ZNF615: variants seen among roughly 807,000 people sequenced by gnomAD.
ZNF615 encodes zinc finger protein 615.
In ZNF615, 15 loss-of-function variants were observed where a neutral mutation model predicts 15.3. The observed-to-expected ratio is 0.98, with a 90% CI of 0.66 to 1.51. The LOEUF (loss-of-function observed/expected upper bound fraction) is 1.51. ZNF615 is among the 40% of genes most tolerant of loss of function. The probability of loss-of-function intolerance (pLI) is 0.00; values close to 1 mark genes in which losing one functional copy is unlikely to be tolerated. For missense variants in ZNF615, 848 were observed against 895.9 expected, an observed-to-expected ratio of 0.95 and a Z score of 0.68; for synonymous variants, 268 against 294.6, an observed-to-expected ratio of 0.91 and a Z score of 0.92.
chr19:51,998,817 G>C (rs1202307119), intron 6 of ZNF615, among the ~76,000 whole-genome samples: 3 of 152,100 alleles, frequency 2.0e-5, no homozygotes, highest in Non-Finnish European at 4.4e-5. Flanking sequence ...ACCACACCCG[G>C]CTAATTTTTG....
At position 51,993,927 on chromosome 19, in the gene ZNF615, C is replaced by T; in HGVS notation, c.1182G>A (p.Leu394=). The change falls in exon 7 of 7, where the codon TTG becomes TTA. Residue 394 remains leucine, a synonymous_variant. Transcript: ENST00000598071. The stretch of plus-strand genomic sequence containing the variant: ...GCTGATGTGTGATAAGACTGTTCTT[C>T]AAGGTGAAGCCTTTCCCACATTTAT... ...ICNKCGKGFT[L]KNSLITHQQT... 1 of 1,614,138 alleles carries T rather than the reference C, an allele frequency of 6.2e-7. No homozygotes were observed. The highest frequency in any genetic ancestry group is 8.5e-7 in the Non-Finnish European group (1 of 1,180,020).
intron 2 of ZNF615, 66 bp from the exon 3 acceptor site, chr19:52,003,966 T>C (rs990688977): frequency 1.7e-5 from 20 of 1,169,514 alleles, no homozygotes; most frequent in Non-Finnish European, 2.0e-5. Context: ...TGTTCCTATA[T>C]GCTCACCTTA....
chr19:51,993,804 T>G lies in ZNF615; in HGVS notation c.1305A>C (p.Gly435=). 1 of 1,614,138 alleles carries G rather than the reference T, an allele frequency of 6.2e-7. No homozygotes were observed. The highest frequency in any genetic ancestry group is 1.1e-5 in the South Asian group (1 of 91,074). ...CLMVHQRTHT[G]EKPYKCNECG... ...ACTCATTGCATTTATAAGGTTTCTCTCCAGTATGAGTTCGTTGATGTACCA... is the reference window on the plus strand; with the variant it reads ...ACTCATTGCATTTATAAGGTTTCTCGCCAGTATGAGTTCGTTGATGTACCA... Residue 435 remains glycine (G), a synonymous_variant, in exon 7 of 7, where the codon GGA becomes GGC. Coordinates refer to ENST00000598071, the MANE Select transcript of ZNF615 (RefSeq NM_001199324.2).
rs2086279516 is a variant in ZNF615 at position 51,992,994 on chromosome 19, C to G, written c.2115G>C (p.Gly705=). 1 of 1,614,008 alleles carries G rather than the reference C, an allele frequency of 6.2e-7. No individual in the cohort carries two copies. Among genetic ancestry groups the G allele is most frequent in the Non-Finnish European group, 8.5e-7 (1 of 1,180,032 alleles). Residue 705 remains glycine (G), a synonymous_variant, in exon 7 of 7, where the codon GGG becomes GGC. Coordinates refer to ENST00000598071, the MANE Select transcript of ZNF615 (RefSeq NM_001199324.2). The stretch of plus-strand genomic sequence containing the variant: ...TATGTTTTCTTTGATGAACATTGAG[C>G]CCTGATTTTGTAGTGAAGGCTTTCC... The part of the protein sequence containing the change: ...DCGKAFTTKS[G]LNVHQRKHTG...
intron 3 of ZNF615, chr19:52,002,483 A>G (rs1005474936): frequency 5.4e-6 from 4 of 734,854 alleles, no homozygotes; most frequent in Admixed American, 4.1e-5. Context: ...TGAAAAGTCA[A>G]AGAAATGTCT....
Position 52,003,735 on chromosome 19 carries a change from C to G in ZNF615, c.-24G>C. On this transcript the variant is annotated 5_prime_UTR_variant, in exon 3 of 7. Coordinates refer to ENST00000598071, the MANE Select transcript of ZNF615 (RefSeq NM_001199324.2). ...ATTGTCTCCTAAATTTGGGAAATGACTGCTAACTTGGACGTTCTGTATTTG... is the reference window on the plus strand; with the variant it reads ...ATTGTCTCCTAAATTTGGGAAATGAGTGCTAACTTGGACGTTCTGTATTTG... The G allele has an allele frequency of 6.2e-7, 1 of 1,611,560 alleles. No homozygotes were observed. Among genetic ancestry groups the G allele is most frequent in the Non-Finnish European group, 8.5e-7 (1 of 1,178,780 alleles).
intron 5 of ZNF615, among the ~76,000 whole-genome samples, chr19:52,001,116 G>A (rs890971657): frequency 1.3e-5 from 2 of 152,054 alleles, no homozygotes; most frequent in Non-Finnish European, 2.9e-5. Flanking sequence ...ACTAGGGCAG[G>A]AAGATGCAGT....
chr19:51,994,620 T>G lies in ZNF615; in HGVS notation c.489A>C (p.Leu163=). 3.1e-6 allele frequency: 5 copies of G among 1,613,474 alleles called. No individual in the cohort carries two copies. Among genetic ancestry groups the G allele is most frequent in the Non-Finnish European group, 4.2e-6 (5 of 1,179,944 alleles). Residue 163 remains leucine, a synonymous_variant, in exon 7 of 7, where the codon CTA becomes CTC. Coordinates refer to ENST00000598071, the MANE Select transcript of ZNF615 (RefSeq NM_001199324.2). ...CTCTATTAAACTCAGCAGAGTTCTT[T>G]AGGCCAGAGCTCCTTTTCTGGTTTT... ...SFENQKRSSG[L]KNSAEFNRDG... is the part of the protein sequence containing the mutation.
rs781535640 is a variant in ZNF615 at position 51,993,096 on chromosome 19, G to T, written c.2013C>A (p.Phe671Leu). Reference sequence around the variant, plus strand: ...TAATAAGATCATTTTTGCGCAAAGAGAATTTTCCACATTCAGTACATGCAA... The same window carrying T: ...TAATAAGATCATTTTTGCGCAAAGATAATTTTCCACATTCAGTACATGCAA... Reference protein sequence around the residue: ...TSFACTECGKFSLRKNDLITH... With the variant: ...TSFACTECGKLSLRKNDLITH... The change falls in exon 7 of 7, where the codon TTC becomes TTA. Residue 671 changes from phenylalanine to leucine, a missense_variant. Coordinates refer to ENST00000598071, the MANE Select transcript of ZNF615 (RefSeq NM_001199324.2). 8 of 1,614,068 alleles carry T rather than the reference G, an allele frequency of 5.0e-6. No individual in the cohort carries two copies. The highest frequency in any genetic ancestry group is 6.8e-6 in the Non-Finnish European group (8 of 1,180,020).
chr19:52,005,340 G>A (rs2086721798), intron 2 of ZNF615, among the ~76,000 whole-genome samples: 1 of 152,190 alleles, frequency 6.6e-6, no homozygotes, highest in Admixed American at 6.5e-5. Context: ...CATAGCAGAA[G>A]AGTATAAAAT....
At chr19:52,005,431 A>C (rs1418446640) in intron 2 of ZNF615, among the ~76,000 whole-genome samples, 1 of 152,228 alleles carries the variant, frequency 6.6e-6, no homozygotes, top group Admixed American at 6.5e-5. Flanking sequence ...ATTTTTAAAA[A>C]ATTATTTCCA....
chr19:51,998,666 G>T (rs145090546), intron 6 of ZNF615, among the ~76,000 whole-genome samples: 166 of 152,212 alleles, frequency 1.1e-3, no homozygotes, highest in African/African-American at 3.8e-3. Context: ...CAAGTTTTGG[G>T]TGTGTGGTGG....
chr19:52,003,728 G>A lies in ZNF615; in HGVS notation c.-17C>T. ...CTGCATCATTGTCTCCTAAATTTGG[G>A]AAATGACTGCTAACTTGGACGTTCT... On this transcript the variant is annotated 5_prime_UTR_variant, in exon 3 of 7. Transcript: ENST00000598071. The A allele has an allele frequency of 6.2e-7, 1 of 1,611,892 alleles. No homozygotes were observed. The highest frequency in any genetic ancestry group is 8.5e-7 in the Non-Finnish European group (1 of 1,178,898).
intron 6 of ZNF615, among the ~76,000 whole-genome samples, chr19:51,998,769 C>A (rs954637643): frequency 6.6e-6 from 1 of 152,122 alleles, no homozygotes; most frequent in Non-Finnish European, 1.5e-5. Context: ...ATTCTCCCAC[C>A]TCAGCCTCCT....
rs1490856615 is a variant in ZNF615 at position 51,992,003 on chromosome 19, C to G, written c.*877G>C. 6.6e-6 allele frequency: 1 copy of G among 151,780 alleles called. No individual in the cohort carries two copies. Among genetic ancestry groups the G allele is most frequent in the Non-Finnish European group, 1.5e-5 (1 of 67,952 alleles). The allele number at this position is 151,780 out of a possible 1,614,324, so 9.4% of individuals were successfully genotyped here. A position where few individuals can be genotyped will look rare whatever the true frequency, so the allele number is the denominator to read the frequency against. On this transcript the variant is annotated 3_prime_UTR_variant, in exon 7 of 7. Transcript: ENST00000598071. ...TCTTATTTATATTAATTTCATAACA[C>G]CTGATGTTACTTATAAACTTAAACA...
intron 5 of ZNF615, among the ~76,000 whole-genome samples, chr19:52,000,778 C>T (rs1365636875): frequency 6.6e-6 from 1 of 152,044 alleles, no homozygotes; most frequent in Non-Finnish European, 1.5e-5. Flanking sequence ...CATGACAAAA[C>T]CCCACCTCTA....
chr19:52,003,706 C>A lies in ZNF615; in HGVS notation c.6G>T (p.Met2Ile), dbSNP rs748956253. 7 of 1,612,418 alleles carry A rather than the reference C, an allele frequency of 4.3e-6. No homozygotes were observed. Among genetic ancestry groups the A allele is most frequent in the Middle Eastern group, 1.7e-4 (1 of 6,058 alleles). The change falls in exon 3 of 7, where the codon ATG (methionine) becomes ATT (isoleucine). Residue 2 changes from methionine to isoleucine, a missense_variant. Met to Ile is a conservative substitution (Grantham distance 10). Transcript: ENST00000598071. ...ACAAACCAAAAGTCACCTGGGCCTGCATCATTGTCTCCTAAATTTGGGAAA... is the reference window on the plus strand; with the variant it reads ...ACAAACCAAAAGTCACCTGGGCCTGAATCATTGTCTCCTAAATTTGGGAAA... The part of the protein sequence containing the change: M[M>I]QAQESLTLED...
intron 3 of ZNF615, among the ~76,000 whole-genome samples, chr19:52,002,748 G>C (rs1015943456): frequency 1.3e-5 from 2 of 151,608 alleles, no homozygotes; most frequent in African/African-American, 2.4e-5. Context: ...ATTTTATTCT[G>C]AATGAAATAA....
chr19:51,993,658 A>T lies in ZNF615; in HGVS notation c.1451T>A (p.Val484Glu). Residue 484 changes from valine to glutamate, a missense_variant, in exon 7 of 7, where the codon GTA becomes GAA. Coordinates refer to ENST00000598071, the MANE Select transcript of ZNF615 (RefSeq NM_001199324.2). ...CTCTGCAGTATGAGTTCGCTGATGT[A>T]CAATGAGGTCACTCTTCATGGTGAA... ...KGFTMKSDLI[V>E]HQRTHTAEKP... 2 of 1,613,908 alleles carry T rather than the reference A, an allele frequency of 1.2e-6. No individual in the cohort carries two copies. The highest frequency in any genetic ancestry group is 2.2e-5 in the South Asian group (2 of 91,060).
Sources: allele counts gnomAD v4.1 joint callset (sites outside exome capture counted in the v4.1 genomes callset), GRCh38; gene constraint gnomAD v4.1.1; transcripts MANE v1.5; gene names NCBI Gene and HGNC (gene_info 2026-07-23, HGNC 2026-07-21).